Variants in BNC2 observed in about 807,000 individuals in gnomAD.
BNC2 encodes the protein basonuclin zinc finger protein 2, also known as zinc finger protein basonuclin-2.
BNC2 carries 20 observed loss-of-function variants against 76.3 expected under a neutral mutation model. That is an observed-to-expected ratio of 0.26 (90% CI 0.18 to 0.38). BNC2 has a LOEUF of 0.38. Ranked by LOEUF, BNC2 falls within the 10% of genes least tolerant of loss-of-function variation. The pLI is 1.00. For synonymous variants in BNC2, 582 were observed against 514.8 expected, an observed-to-expected ratio of 1.13 and a Z score of -1.77; for missense variants, 1,382 against 1,399.8, an observed-to-expected ratio of 0.99 and a Z score of 0.20.
In BNC2 at chr9:16,494,217, A is replaced by G. The variant is rs1229180582; in HGVS notation, c.670-56693T>C. Among the ~76,000 whole-genome samples, 5 of 152,218 alleles carry G rather than the reference A, an allele frequency of 3.3e-5. No homozygotes were observed. The East Asian group carries it at 9.7e-4, about 29-fold the overall frequency. On this transcript the variant is annotated intron_variant, in intron 5 of 6. Transcript: ENST00000380672. Reference sequence around the variant, plus strand: ...CACCAGGCTGGAGTGCAGTGACACAATCTCGGCTCACTGCAAACTACACCT... The same window carrying G: ...CACCAGGCTGGAGTGCAGTGACACAGTCTCGGCTCACTGCAAACTACACCT...
intron 3 of BNC2, among the ~76,000 whole-genome samples, chr9:16,613,751 G>C (rs1467773585): frequency 1.3e-5 from 2 of 152,168 alleles, no homozygotes; most frequent in South Asian, 4.1e-4. Flanking sequence ...TGGGTAACCA[G>C]GACAGCAGAC....
chr9:16,733,318 T>C (rs1411772848), intron 2 of BNC2, among the ~76,000 whole-genome samples: 1 of 152,208 alleles, frequency 6.6e-6, no homozygotes, highest in Non-Finnish European at 1.5e-5. Context: ...CTTTTTCCCT[T>C]GTGAAACCTG....
At chr9:16,861,175 C>T (rs1027217661) in intron 1 of BNC2, among the ~76,000 whole-genome samples, 9 of 51,466 alleles carry the variant, frequency 1.7e-4, no homozygotes, top group African/African-American at 5.8e-4. Context: ...TACCCTATCT[C>T]TACAAAATAT....
At chr9:16,507,305 C>T (rs765449484) in intron 5 of BNC2, among the ~76,000 whole-genome samples, 11 of 144,120 alleles carry the variant, frequency 7.6e-5, no homozygotes, top group Admixed American at 4.2e-4. Context: ...TCGCCCATAC[C>T]GGAGTGTGGA....
chr9:16,847,051 T>C (rs914333579), intron 1 of BNC2, among the ~76,000 whole-genome samples: 3 of 152,190 alleles, frequency 2.0e-5, no homozygotes, highest in Non-Finnish European at 4.4e-5. Flanking sequence ...GTTCACAATG[T>C]CAAGTTGCTG....
intron 5 of BNC2, among the ~76,000 whole-genome samples, chr9:16,493,034 G>A (rs1452604665): frequency 6.6e-6 from 1 of 152,144 alleles, no homozygotes; most frequent in Non-Finnish European, 1.5e-5. Flanking sequence ...AACAGACTTA[G>A]AGCTCCCCTG....
At chr9:16,643,603 C>G (rs1821548304) in intron 3 of BNC2, among the ~76,000 whole-genome samples, 1 of 151,970 alleles carries the variant, frequency 6.6e-6, no homozygotes, top group African/African-American at 2.4e-5. Context: ...TCTTAGGTCC[C>G]TCTTATTTTT....
chr9:16,850,019 T>G (rs896556183), intron 1 of BNC2, among the ~76,000 whole-genome samples: 1 of 152,154 alleles, frequency 6.6e-6, no homozygotes, highest in Non-Finnish European at 1.5e-5. Flanking sequence ...ACACACAGAT[T>G]TGCTCAACTA....
intron 5 of BNC2, among the ~76,000 whole-genome samples, chr9:16,485,641 G>A (rs1239200373): frequency 6.6e-6 from 1 of 152,132 alleles, no homozygotes; most frequent in Non-Finnish European, 1.5e-5. Flanking sequence ...GCAACATAGT[G>A]AGACCCTGTC....
At chr9:16,585,946 G>A (rs1218722046) in intron 3 of BNC2, among the ~76,000 whole-genome samples, 5 of 152,080 alleles carry the variant, frequency 3.3e-5, no homozygotes, top group Non-Finnish European at 7.4e-5. Context: ...GCAGAAAGGA[G>A]CAGAGAGTTC....
At chr9:16,510,154 A>G (rs778283167) in intron 5 of BNC2, among the ~76,000 whole-genome samples, 31 of 152,192 alleles carry the variant, frequency 2.0e-4, no homozygotes, top group Non-Finnish European at 3.5e-4. Flanking sequence ...CTAGCCACAC[A>G]TTCACTCAAG....
intron 3 of BNC2, among the ~76,000 whole-genome samples, chr9:16,717,917 T>C (rs1824036649): frequency 6.6e-6 from 1 of 152,172 alleles, no homozygotes; most frequent in Non-Finnish European, 1.5e-5. Flanking sequence ...TAAGAAATTA[T>C]TTAAAATAAC....
chr9:16,613,497 C>G (rs1390446625), intron 3 of BNC2, among the ~76,000 whole-genome samples: 1 of 152,200 alleles, frequency 6.6e-6, no homozygotes, highest in Admixed American at 6.6e-5. Context: ...CCCATTACTG[C>G]TGTGCAGGCT....
At chr9:16,498,432 C>G (rs1270846111) in intron 5 of BNC2, among the ~76,000 whole-genome samples, 1 of 150,680 alleles carries the variant, frequency 6.6e-6, no homozygotes, top group African/African-American at 2.4e-5. Context: ...AACCAAACAC[C>G]GTATGTACTC....
chr9:16,639,649 G>A (rs1028836484), intron 3 of BNC2, among the ~76,000 whole-genome samples: 22 of 152,046 alleles, frequency 1.4e-4, no homozygotes, highest in African/African-American at 4.8e-4. Context: ...AGGCACACTG[G>A]CTCATGCCTG....
chr9:16,586,049 T>A (rs1220974988), intron 3 of BNC2, among the ~76,000 whole-genome samples: 1 of 152,082 alleles, frequency 6.6e-6, no homozygotes, highest in Non-Finnish European at 1.5e-5. Flanking sequence ...GGTGCCAGGG[T>A]GCCTTGTAAT....
At chr9:16,844,368 G>A (rs1303414415) in intron 1 of BNC2, among the ~76,000 whole-genome samples, 1 of 149,978 alleles carries the variant, frequency 6.7e-6, no homozygotes, top group African/African-American at 2.5e-5. Context: ...TTAAGAAGTA[G>A]AATTCAGTGT....
chr9:16,677,932 T>C (rs756819213), intron 3 of BNC2, among the ~76,000 whole-genome samples: 1 of 152,162 alleles, frequency 6.6e-6, no homozygotes, highest in Non-Finnish European at 1.5e-5. Context: ...ACAAACTAAG[T>C]AATTATAGAT....
chr9:16,718,171 A>G (rs1456981192), intron 3 of BNC2, among the ~76,000 whole-genome samples: 1 of 152,230 alleles, frequency 6.6e-6, no homozygotes, highest in East Asian at 1.9e-4. Flanking sequence ...ACAATGGTAC[A>G]TGAAAAACCA....
Sources: gnomAD v4.1 joint callset for allele counts (sites outside exome capture counted in the v4.1 genomes callset) on GRCh38, gnomAD v4.1.1 for gene constraint, MANE v1.5 for transcripts, NCBI Gene and HGNC (gene_info 2026-07-23, HGNC 2026-07-21) for gene names.